NCOA2: variants seen among roughly 807,000 people sequenced by gnomAD.
NCOA2 encodes class E basic helix-loop-helix protein 75.
Under a neutral mutation model 145.1 loss-of-function variants are expected in NCOA2, and 21 were observed. That is an observed-to-expected ratio of 0.14 (90% CI 0.10 to 0.21). The LOEUF (loss-of-function observed/expected upper bound fraction) is 0.21, where lower values mean the gene tolerates loss of function less well. Among genes scored for constraint, NCOA2 ranks in the 10% least tolerant of loss-of-function variants. NCOA2 has a pLI of 1.00. For synonymous variants in NCOA2, 619 were observed against 637.5 expected (o/e 0.97, Z 0.44); for missense variants, 1,472 against 1,837.6 (o/e 0.80, Z 3.64).
chr8:70,330,093 C>T (rs574450760), intron 1 of NCOA2, among the ~76,000 whole-genome samples: 2 of 152,054 alleles, frequency 1.3e-5, no homozygotes, highest in Admixed American at 6.6e-5. Flanking sequence ...ACTGCCTTAC[C>T]TCCATTAAGT....
At chr8:70,117,355 C>T (rs531147674) in intron 22 of NCOA2, among the ~76,000 whole-genome samples, 1 of 152,224 alleles carries the variant, frequency 6.6e-6, no homozygotes, top group African/African-American at 2.4e-5. Flanking sequence ...TAAATACCTA[C>T]GAAGGGCCTG....
At chr8:70,302,469 T>G (rs1173325568) in intron 1 of NCOA2, among the ~76,000 whole-genome samples, 1 of 152,142 alleles carries the variant, frequency 6.6e-6, no homozygotes, top group Non-Finnish European at 1.5e-5. Flanking sequence ...CTAATGAAAA[T>G]GTTTAAAGGT....
At chr8:70,165,438 C>T (rs1013605268) in intron 7 of NCOA2, among the ~76,000 whole-genome samples, 1 of 152,194 alleles carries the variant, frequency 6.6e-6, no homozygotes, top group African/African-American at 2.4e-5. Flanking sequence ...AGTCCCAGAG[C>T]TGGGAGCAGC....
Position 70,138,281 on chromosome 8 carries a change from T to C in NCOA2, c.3080A>G (p.Gln1027Arg). ...NMGGPQYSQQ[Q>R]APPNQTAPWP... ...TGGGGCAGTCTGATTTGGAGGAGCT[T>C]GTTGTTGGCTATACTGAGGTCCCCC... Residue 1027 changes from glutamine to arginine, a missense_variant, in exon 15 of 23, where the codon CAA becomes CGA. Gln to Arg is a conservative substitution (Grantham distance 43). Around this residue, in one of 4 missense-constraint regions of NCOA2, gnomAD observed 953 missense variants for 1,062.1 expected, o/e 0.90. Transcript: ENST00000452400. The C allele has an allele frequency of 6.2e-7, 1 of 1,613,604 alleles. No individual in the cohort carries two copies. Among genetic ancestry groups the C allele is most frequent in the Non-Finnish European group, 8.5e-7 (1 of 1,179,696 alleles).
chr8:70,288,737 T>C (rs1826437300), intron 2 of NCOA2, among the ~76,000 whole-genome samples: 1 of 152,226 alleles, frequency 6.6e-6, no homozygotes, highest in African/African-American at 2.4e-5. Context: ...TACAAAAGGC[T>C]ATCATTTCCT....
chr8:70,146,406 T>C (rs951516568), intron 12 of NCOA2, among the ~76,000 whole-genome samples: 1 of 152,222 alleles, frequency 6.6e-6, no homozygotes, highest in Non-Finnish European at 1.5e-5. Context: ...TAGTAACTTA[T>C]TACATAACAT....
intron 9 of NCOA2, among the ~76,000 whole-genome samples, chr8:70,160,681 G>GAGAGAGAGAGA (rs58267843): frequency 2.1e-5 from 3 of 143,858 alleles, no homozygotes; most frequent in African/African-American, 5.5e-5. Context: ...GAGAGAGAGA[G>GAGAGAGAGAGA]GGAGAGAGAG....
At chr8:70,346,328 A>G (rs1808639034) in intron 1 of NCOA2, among the ~76,000 whole-genome samples, 1 of 152,216 alleles carries the variant, frequency 6.6e-6, no homozygotes, top group African/African-American at 2.4e-5. Context: ...CTGGGTGTAA[A>G]TATCAAACTG....
intron 1 of NCOA2, among the ~76,000 whole-genome samples, chr8:70,400,399 C>A (rs983463744): frequency 1.3e-4 from 19 of 151,994 alleles, no homozygotes; most frequent in Non-Finnish European, 1.6e-4. Context: ...TTTTTTCCCC[C>A]CAAGCCAGCC....
intron 13 of NCOA2, among the ~76,000 whole-genome samples, chr8:70,142,087 CG>C (rs1430272377): frequency 1.3e-5 from 2 of 152,180 alleles, no homozygotes; most frequent in Non-Finnish European, 2.9e-5. Context: ...CACATAAGAG[CG>C]TAACGCTGCT....
chr8:70,319,722 C>T lies in NCOA2; in HGVS notation c.-76-22922G>A, dbSNP rs74409818. On this transcript the variant is annotated intron_variant, in intron 1 of 22. Transcript: ENST00000452400. ...ATTGTTAAAAATGTTTTTGGAATTG[C>T]TAACATCAATTATAATGCAAGCATA... Among the ~76,000 whole-genome samples, 947 of 152,090 alleles carry T rather than the reference C, an allele frequency of 6.2e-3. 5 individuals are homozygous for T. The highest frequency in any genetic ancestry group is 9.2e-3 in the Non-Finnish European group (627 of 67,972).
intron 2 of NCOA2, among the ~76,000 whole-genome samples, chr8:70,233,672 C>A: frequency 6.6e-6 from 1 of 152,162 alleles, no homozygotes; most frequent in East Asian, 1.9e-4. Context: ...ACACCCCTTC[C>A]GTGGTTCCTC....
chr8:70,345,481 T>C (rs1808527943), intron 1 of NCOA2, among the ~76,000 whole-genome samples: 1 of 152,226 alleles, frequency 6.6e-6, no homozygotes, highest in Admixed American at 6.5e-5. Context: ...TAATGAAACC[T>C]TGACTTTTAG....
chr8:70,278,202 C>A (rs1825608608), intron 2 of NCOA2, among the ~76,000 whole-genome samples: 1 of 152,260 alleles, frequency 6.6e-6, no homozygotes, highest in South Asian at 2.1e-4. Flanking sequence ...AAATTTAATG[C>A]TTTCAGGGCT....
At chr8:70,261,834 C>A (rs1266327839) in intron 2 of NCOA2, among the ~76,000 whole-genome samples, 1 of 151,952 alleles carries the variant, frequency 6.6e-6, no homozygotes, top group Non-Finnish European at 1.5e-5. Flanking sequence ...TCAAAGCTAA[C>A]CCTCTCCCTT....
intron 2 of NCOA2, among the ~76,000 whole-genome samples, chr8:70,275,152 C>T (rs1308232656): frequency 6.6e-6 from 1 of 152,124 alleles, no homozygotes; most frequent in Non-Finnish European, 1.5e-5. Context: ...TACAAATATG[C>T]CATCTTCTAA....
chr8:70,237,966 T>C (rs188404316), intron 2 of NCOA2, among the ~76,000 whole-genome samples: 1 of 152,248 alleles, frequency 6.6e-6, no homozygotes, highest in African/African-American at 2.4e-5. Context: ...TTTTAGGTGA[T>C]TGCAATTTAA....
intron 1 of NCOA2, among the ~76,000 whole-genome samples, chr8:70,363,275 C>T (rs1388222213): frequency 1.3e-5 from 2 of 150,750 alleles, no homozygotes; most frequent in Admixed American, 6.6e-5. Context: ...CCCAGCTACT[C>T]GGGAGGCTGA....
chr8:70,177,778 G>A (rs747282676), intron 4 of NCOA2, among the ~76,000 whole-genome samples: 2 of 152,106 alleles, frequency 1.3e-5, no homozygotes, highest in Non-Finnish European at 2.9e-5. Context: ...GAGAGAGTGA[G>A]AGGAAACAAC....
Sources: gnomAD v4.1 joint callset for allele counts (sites outside exome capture counted in the v4.1 genomes callset) on GRCh38, gnomAD v4.1.1 for gene constraint, gnomAD v4.1.1 regional missense constraint, MANE v1.5 for transcripts, NCBI Gene and HGNC (gene_info 2026-07-23, HGNC 2026-07-21) for gene names.